The following UTS2B variants were observed in gnomAD, a reference collection of about 807,000 sequenced individuals.
UTS2B encodes urotensin 2B.
Under a neutral mutation model 19.2 loss-of-function variants are expected in UTS2B, and 21 were observed. That is an observed-to-expected ratio of 1.09 (90% CI 0.78 to 1.58). The LOEUF is 1.58. UTS2B is among the 40% of genes most tolerant of loss of function. The pLI, the probability that UTS2B is intolerant of heterozygous loss-of-function variation, is 0.00. For synonymous variants in UTS2B, 57 were observed against 50.2 expected (o/e 1.14, Z -0.58); for missense variants, 138 against 130.3 (o/e 1.06, Z -0.29).
chr3:191,297,089 G>C (rs1287642797), intron 4 of UTS2B, among the ~76,000 whole-genome samples: 1 of 152,134 alleles, frequency 6.6e-6, no homozygotes, highest in South Asian at 2.1e-4. Flanking sequence ...TTCAAATGAA[G>C]AGCCTTCCTA....
At chr3:191,319,888 T>C (rs1454153347) in intron 2 of UTS2B, among the ~76,000 whole-genome samples, 1 of 144,110 alleles carries the variant, frequency 6.9e-6, no homozygotes, top group East Asian at 1.9e-4. Flanking sequence ...AAAAGCCACT[T>C]TTTTTTTTTT....
At chr3:191,344,894 A>G in the UTS2B span, among the ~76,000 whole-genome samples, 1 of 152,130 alleles carries the variant, frequency 6.6e-6, no homozygotes, top group African/African-American at 2.4e-5. Flanking sequence ...GCCAATTCTA[A>G]TATATGTCCC....
At position 191,267,660 on chromosome 3, in the gene UTS2B, G is replaced by A. The variant is rs555610903; in HGVS notation, c.*756C>T. On this transcript the variant is annotated 3_prime_UTR_variant, in exon 9 of 9. Coordinates refer to ENST00000340524, the MANE Select transcript of UTS2B (RefSeq NM_198152.5). ...ATTATTAAGTTTAGCAAGGGCAGGG[G>A]TAGGTTAATGAGGGATTTAGGGTCA... 2 of 152,260 alleles carry A rather than the reference G, an allele frequency of 1.3e-5. No homozygotes were observed. Among genetic ancestry groups the A allele is most frequent in the African/African-American group, 4.8e-5 (2 of 41,458 alleles). 9.4% of individuals were successfully genotyped at this position (152,260 alleles called of 1,614,324 possible).
At chr3:191,286,493 A>C (rs1436351698) in intron 4 of UTS2B, among the ~76,000 whole-genome samples, 2 of 152,140 alleles carry the variant, frequency 1.3e-5, no homozygotes, top group Non-Finnish European at 2.9e-5. Context: ...ATACATGGAA[A>C]TTAAAAAAAT....
intron 8 of UTS2B, among the ~76,000 whole-genome samples, chr3:191,268,960 T>C (rs1252946759): frequency 6.6e-6 from 1 of 152,234 alleles, no homozygotes; most frequent in Admixed American, 6.5e-5. Context: ...AATAACTTCA[T>C]TTGTCATCAC....
chr3:191,329,938 T>TGGA (rs1717898351), intron 1 of UTS2B, among the ~76,000 whole-genome samples: 1 of 5,520 alleles, frequency 1.8e-4, no homozygotes, highest in African/African-American at 5.9e-4. Flanking sequence ...CTCAAGGGGG[T>TGGA]GGTTGGGGGG....
intron 2 of UTS2B, among the ~76,000 whole-genome samples, chr3:191,322,018 A>C (rs925142419): frequency 6.6e-6 from 1 of 150,952 alleles, no homozygotes; most frequent in Non-Finnish European, 1.5e-5. Context: ...CAAGAGAAAA[A>C]CTCCATCGGA....
At chr3:191,323,521 A>C (rs1320446422) in intron 2 of UTS2B, among the ~76,000 whole-genome samples, 1 of 152,192 alleles carries the variant, frequency 6.6e-6, no homozygotes, top group African/African-American at 2.4e-5. Flanking sequence ...AAAAGAGGCT[A>C]GGGACCTTGT....
At position 191,268,133 on chromosome 3, in the gene UTS2B, C is replaced by G. The variant is rs948406533; in HGVS notation, c.*283G>C. On this transcript the variant is annotated 3_prime_UTR_variant, in exon 9 of 9. Coordinates refer to ENST00000340524, the MANE Select transcript of UTS2B (RefSeq NM_198152.5). ...ATTCCATTCCCAGAGCTATGAACATCTGCTTTTCTGGGATAGGAATCTTGG... is the reference window on the plus strand; with the variant it reads ...ATTCCATTCCCAGAGCTATGAACATGTGCTTTTCTGGGATAGGAATCTTGG... 2 of 245,976 alleles carry G rather than the reference C, an allele frequency of 8.1e-6. No individual in the cohort carries two copies. Among genetic ancestry groups the G allele is most frequent in the African/African-American group, 4.5e-5 (2 of 44,142 alleles). The allele number at this position is 245,976 out of a possible 1,614,324, so 15.2% of individuals were successfully genotyped here.
chr3:191,322,412 G>C (rs1198451983), intron 2 of UTS2B, among the ~76,000 whole-genome samples: 1 of 152,188 alleles, frequency 6.6e-6, no homozygotes, highest in East Asian at 1.9e-4. Flanking sequence ...TGAACAATTA[G>C]CCAATAAAAG....
At chr3:191,319,349 T>A (rs1717549547) in intron 2 of UTS2B, among the ~76,000 whole-genome samples, 1 of 152,234 alleles carries the variant, frequency 6.6e-6, no homozygotes, top group South Asian at 2.1e-4. Context: ...AGCTATTTCA[T>A]ATTTTACTTC....
intron 4 of UTS2B, among the ~76,000 whole-genome samples, chr3:191,283,218 C>T (rs955548494): frequency 6.6e-6 from 1 of 152,156 alleles, no homozygotes; most frequent in Non-Finnish European, 1.5e-5. Context: ...TTTTCCTTTA[C>T]AGTTTCATTT....
At chr3:191,272,895 T>C (rs905831002) in intron 8 of UTS2B, among the ~76,000 whole-genome samples, 2 of 146,624 alleles carry the variant, frequency 1.4e-5, no homozygotes, top group Non-Finnish European at 3.0e-5. Context: ...CAGGGCACAG[T>C]GCCTCATGTC....
chr3:191,322,981 G>T lies in UTS2B; in HGVS notation c.-586+5650C>A, dbSNP rs1046188602. Among the ~76,000 whole-genome samples the T allele has an allele frequency of 2.5e-4, 38 of 152,096 alleles. 1 individual carries two copies. The highest frequency in any genetic ancestry group is 8.8e-5 in the Non-Finnish European group (6 of 68,014). ...AGAAAGCCCCACAGACTGCTTTGGT[G>T]CTATGTTTGTGCTTCTGCCATTCTG... On this transcript the variant is annotated intron_variant, in intron 2 of 8. Transcript: ENST00000340524.
At chr3:191,344,515 C>T in the UTS2B span, among the ~76,000 whole-genome samples, 3 of 152,166 alleles carry the variant, frequency 2.0e-5, no homozygotes, top group South Asian at 2.1e-4. Flanking sequence ...AAGGATAGAA[C>T]GATGTTGGAT....
rs1056875366 is a variant in UTS2B at position 191,275,424 on chromosome 3, T to C, written c.241-79A>G. 5 of 1,136,420 alleles carry C rather than the reference T, an allele frequency of 4.4e-6. No individual in the cohort carries two copies. The African/African-American group carries it at 7.6e-5, about 17-fold the overall frequency. The allele number at this position is 1,136,420 out of a possible 1,614,324, so 70.4% of individuals were successfully genotyped here. A position where few individuals can be genotyped will look rare whatever the true frequency, so the allele number is the denominator to read the frequency against. ...GACCGGGCGCGGTGGCTTATGCCTGTAATCCCAGCACTTCGGGAGGCCGAG... is the reference window on the plus strand; with the variant it reads ...GACCGGGCGCGGTGGCTTATGCCTGCAATCCCAGCACTTCGGGAGGCCGAG... On this transcript the variant is annotated intron_variant, in intron 7 of 8. Transcript: ENST00000340524.
At chr3:191,326,952 T>C (rs1001761307) in intron 2 of UTS2B, among the ~76,000 whole-genome samples, 3 of 152,276 alleles carry the variant, frequency 2.0e-5, no homozygotes, top group Admixed American at 2.0e-4. Context: ...CTTTTTCTGC[T>C]GAAAGCAGCC....
upstream of UTS2B, among the ~76,000 whole-genome samples, chr3:191,332,866 C>CTAA (rs1403894849): frequency 3.3e-4 from 50 of 152,332 alleles, no homozygotes; most frequent in African/African-American, 1.1e-3. Context: ...CCCTCTCTAA[C>CTAA]CAAGATGTTG....
At chr3:191,323,131 G>GTTATTTTATT (rs1262567418) in intron 2 of UTS2B, among the ~76,000 whole-genome samples, 1 of 82,602 alleles carries the variant, frequency 1.2e-5, no homozygotes, top group Non-Finnish European at 2.5e-5. Context: ...TTTCAGTGCT[G>GTTATTTTATT]TTATTTTATT....
Sources: gnomAD v4.1 joint callset for allele counts (sites outside exome capture counted in the v4.1 genomes callset) on GRCh38, gnomAD v4.1.1 for gene constraint, MANE v1.5 for transcripts, NCBI Gene and HGNC (gene_info 2026-07-23, HGNC 2026-07-21) for gene names.